Variants in PRKCA observed in about 807,000 individuals in gnomAD.
The protein encoded by PRKCA is protein kinase C alpha, also known as protein kinase C alpha type.
Under a neutral mutation model 87.0 loss-of-function variants are expected in PRKCA, and 27 were observed. That is an observed-to-expected ratio of 0.31 (90% CI 0.23 to 0.43). The LOEUF is 0.43. Among genes scored for constraint, PRKCA ranks in the 20% least tolerant of loss-of-function variants. The pLI is 1.00. For synonymous variants in PRKCA, 329 were observed against 311.1 expected, an observed-to-expected ratio of 1.06 and a Z score of -0.61; for missense variants, 518 against 852.3, an observed-to-expected ratio of 0.61 and a Z score of 4.88.
chr17:66,375,098 T>C (rs1909349290), intron 2 of PRKCA, among the ~76,000 whole-genome samples: 1 of 151,918 alleles, frequency 6.6e-6, no homozygotes, highest in Admixed American at 6.6e-5. Flanking sequence ...TTGAGGGGGG[T>C]AATAGCTTAA....
intron 5 of PRKCA, among the ~76,000 whole-genome samples, chr17:66,655,374 A>G (rs752307326): frequency 2.6e-5 from 4 of 152,166 alleles, no homozygotes; most frequent in Non-Finnish European, 5.9e-5. Context: ...AGCCATGAGC[A>G]GCTTCCCCAC....
At chr17:66,444,155 C>T (rs957788459) in intron 2 of PRKCA, among the ~76,000 whole-genome samples, 6 of 152,120 alleles carry the variant, frequency 3.9e-5, no homozygotes, top group Non-Finnish European at 8.8e-5. Context: ...TTCAAAGGCG[C>T]GAGATGTCAT....
intron 2 of PRKCA, among the ~76,000 whole-genome samples, chr17:66,431,579 C>T (rs190786001): frequency 4.6e-5 from 7 of 152,308 alleles, no homozygotes; most frequent in Admixed American, 4.6e-4. Context: ...CTCTGCTCTC[C>T]AGAGGTTGGC....
At chr17:66,312,771 C>G (rs559808116) in intron 2 of PRKCA, among the ~76,000 whole-genome samples, 2 of 135,028 alleles carry the variant, frequency 1.5e-5, no homozygotes, top group Admixed American at 1.6e-4. Flanking sequence ...GAGTGTCACT[C>G]TGTCACCCAG....
chr17:66,594,558 C>T (rs1969914949), intron 3 of PRKCA, among the ~76,000 whole-genome samples: 1 of 152,084 alleles, frequency 6.6e-6, no homozygotes, highest in Admixed American at 6.6e-5. Flanking sequence ...CGTGTTATTG[C>T]CTGACACGTT....
At chr17:66,577,534 C>T (rs1190359844) in intron 3 of PRKCA, among the ~76,000 whole-genome samples, 1 of 152,164 alleles carries the variant, frequency 6.6e-6, no homozygotes, top group African/African-American at 2.4e-5. Context: ...GTCTCTTTTT[C>T]TGCAGGCCAT....
intron 5 of PRKCA, among the ~76,000 whole-genome samples, chr17:66,667,272 A>G (rs1449254059): frequency 6.6e-6 from 1 of 152,222 alleles, no homozygotes; most frequent in East Asian, 1.9e-4. Context: ...CCTTTAAAGA[A>G]CAGACCACAC....
chr17:66,783,092 C>G (rs1020698739), intron 14 of PRKCA, among the ~76,000 whole-genome samples: 1 of 152,188 alleles, frequency 6.6e-6, no homozygotes, highest in Non-Finnish European at 1.5e-5. Context: ...CATGTCCCCT[C>G]CCTGACATGT....
At chr17:66,319,057 G>C (rs1386441838) in intron 2 of PRKCA, among the ~76,000 whole-genome samples, 1 of 152,062 alleles carries the variant, frequency 6.6e-6, no homozygotes, top group Non-Finnish European at 1.5e-5. Flanking sequence ...TGAGCCCGGT[G>C]GTTGAGGCTG....
chr17:66,651,148 A>G (rs1971583016), intron 5 of PRKCA, among the ~76,000 whole-genome samples: 1 of 152,144 alleles, frequency 6.6e-6, no homozygotes, highest in African/African-American at 2.4e-5. Context: ...TTCCAGGCAA[A>G]GATGCAGAGT....
intron 3 of PRKCA, among the ~76,000 whole-genome samples, chr17:66,592,976 G>A (rs1263946219): frequency 6.6e-6 from 1 of 152,060 alleles, no homozygotes; most frequent in African/African-American, 2.4e-5. Flanking sequence ...ATTTTTAGTA[G>A]AGACAGGGTT....
intron 8 of PRKCA, among the ~76,000 whole-genome samples, chr17:66,720,523 C>T (rs1235261343): frequency 6.6e-6 from 1 of 152,208 alleles, no homozygotes; most frequent in Non-Finnish European, 1.5e-5. Context: ...CTTTCTGCTT[C>T]GAAACACTTG....
chr17:66,655,694 G>T (rs1368310515), intron 5 of PRKCA, among the ~76,000 whole-genome samples: 1 of 152,110 alleles, frequency 6.6e-6, no homozygotes, highest in East Asian at 1.9e-4. Context: ...TACCAAATGT[G>T]TGTCTGTTGA....
chr17:66,371,349 T>C (rs1909094461), intron 2 of PRKCA, among the ~76,000 whole-genome samples: 1 of 152,172 alleles, frequency 6.6e-6, no homozygotes, highest in Non-Finnish European at 1.5e-5. Flanking sequence ...CCATTTTCTG[T>C]GTGTTTGTGA....
intron 2 of PRKCA, among the ~76,000 whole-genome samples, chr17:66,488,747 C>A (rs1248251376): frequency 6.6e-6 from 1 of 152,138 alleles, no homozygotes; most frequent in African/African-American, 2.4e-5. Context: ...GGAGCACGTG[C>A]ACAGATGCTG....
At chr17:66,530,277 A>C (rs1806448) in intron 3 of PRKCA, among the ~76,000 whole-genome samples, 1 of 152,082 alleles carries the variant, frequency 6.6e-6, no homozygotes, top group Non-Finnish European at 1.5e-5. Context: ...AATGTATTTT[A>C]TTGAATCCCA....
chr17:66,449,829 G>A (rs954636178), intron 2 of PRKCA, among the ~76,000 whole-genome samples: 1 of 152,152 alleles, frequency 6.6e-6, no homozygotes, highest in Admixed American at 6.5e-5. Flanking sequence ...GATGCTGGAC[G>A]AACGGCCTCA....
intron 2 of PRKCA, among the ~76,000 whole-genome samples, chr17:66,360,131 C>G (rs1908301689): frequency 6.6e-6 from 1 of 152,224 alleles, no homozygotes; most frequent in Admixed American, 6.5e-5. Flanking sequence ...AATAACTTTT[C>G]CACTCAAACA....
rs533646776 is a variant in PRKCA, at chr17:66,315,094, A to G, written c.205+8967A>G. ...TCGTGTGTGGTTGTGCACAAAGTTT[A>G]TGACGTAGGGGTTTTCTTATACTTG... On this transcript the variant is annotated intron_variant, in intron 2 of 16. Coordinates refer to ENST00000413366, the MANE Select transcript of PRKCA (RefSeq NM_002737.3). 7.2e-5 allele frequency among the ~76,000 whole-genome samples: 11 copies of G among 152,176 alleles called. No individual in the cohort carries two copies. In the South Asian group the frequency reaches 2.3e-3, roughly 32 times the overall value.
Sources: gnomAD v4.1 joint callset for allele counts (sites outside exome capture counted in the v4.1 genomes callset) on GRCh38, gnomAD v4.1.1 for gene constraint, MANE v1.5 for transcripts, NCBI Gene and HGNC (gene_info 2026-07-23, HGNC 2026-07-21) for gene names.